Variants in VOPP1 observed in about 807,000 individuals in gnomAD.
VOPP1 encodes VOPP1 WW domain binding protein.
VOPP1 carries 8 observed loss-of-function variants against 23.5 expected under a neutral mutation model. That is an observed-to-expected ratio of 0.34 (90% CI 0.20 to 0.61). VOPP1 has a LOEUF of 0.61. VOPP1 is among the 20% of genes least tolerant of loss of function. VOPP1 has a pLI of 0.78. For missense variants in VOPP1, 174 were observed against 238.1 expected (o/e 0.73, Z 1.77); for synonymous variants, 83 against 97.3 (o/e 0.85, Z 0.86).
At chr7:55,448,600 G>A (rs919929679) in intron 4 of VOPP1, among the ~76,000 whole-genome samples, 2 of 148,256 alleles carry the variant, frequency 1.3e-5, no homozygotes, top group African/African-American at 2.4e-5. Flanking sequence ...CTCAGGCTCC[G>A]TCATCTTGCA....
intron 4 of VOPP1, among the ~76,000 whole-genome samples, chr7:55,439,509 A>G (rs1253164830): frequency 6.6e-6 from 1 of 152,202 alleles, no homozygotes; most frequent in Non-Finnish European, 1.5e-5. Flanking sequence ...TCAGAAAAAT[A>G]ACAGGATGTT....
chr7:55,489,640 G>A (rs541211990), intron 4 of VOPP1, among the ~76,000 whole-genome samples: 3 of 152,204 alleles, frequency 2.0e-5, no homozygotes, highest in African/African-American at 4.8e-5. Context: ...CTCAGCAGGT[G>A]TGCAGTAAAT....
At chr7:55,455,308 G>A (rs1367292977) in intron 4 of VOPP1, among the ~76,000 whole-genome samples, 1 of 151,844 alleles carries the variant, frequency 6.6e-6, no homozygotes, top group Non-Finnish European at 1.5e-5. Context: ...AAATAAGAGA[G>A]GACACAAATG....
intron 4 of VOPP1, among the ~76,000 whole-genome samples, chr7:55,477,799 A>G (rs752809446): frequency 1.3e-5 from 2 of 152,248 alleles, no homozygotes; most frequent in African/African-American, 4.8e-5. Context: ...TGTCAAGAAC[A>G]TGAACCCTTA....
At chr7:55,548,441 C>A (rs963742610) in intron 1 of VOPP1, among the ~76,000 whole-genome samples, 1 of 152,210 alleles carries the variant, frequency 6.6e-6, no homozygotes, top group Non-Finnish European at 1.5e-5. Flanking sequence ...CCCGGGGGAT[C>A]CCTGGCTTAC....
At chr7:55,550,042 G>A (rs1047597604) in intron 1 of VOPP1, among the ~76,000 whole-genome samples, 9 of 152,206 alleles carry the variant, frequency 5.9e-5, no homozygotes, top group Non-Finnish European at 1.0e-4. Context: ...ACCACAGGCC[G>A]GGCCAAGGGG....
intron 1 of VOPP1, among the ~76,000 whole-genome samples, chr7:55,530,291 G>T (rs1181943228): frequency 6.6e-6 from 1 of 152,036 alleles, no homozygotes; most frequent in East Asian, 1.9e-4. Context: ...ATCTAGTACT[G>T]TACTGGTATC....
chr7:55,502,592 A>G (rs1794444999), intron 2 of VOPP1, among the ~76,000 whole-genome samples: 1 of 152,278 alleles, frequency 6.6e-6, no homozygotes, highest in East Asian at 1.9e-4. Flanking sequence ...CTTCCTTTTG[A>G]AGCTGCTGGT....
intron 2 of VOPP1, among the ~76,000 whole-genome samples, chr7:55,508,837 C>T (rs1240520890): frequency 6.6e-6 from 1 of 151,964 alleles, no homozygotes; most frequent in African/African-American, 2.4e-5. Context: ...CCTATGAGCT[C>T]AGAAGTCTGC....
At chr7:55,508,229 G>C (rs928221268) in intron 2 of VOPP1, among the ~76,000 whole-genome samples, 5 of 152,286 alleles carry the variant, frequency 3.3e-5, no homozygotes, top group African/African-American at 1.2e-4. Flanking sequence ...GGACCAAGAA[G>C]CTCTTAAATT....
intron 1 of VOPP1, among the ~76,000 whole-genome samples, chr7:55,564,971 A>C (rs146434007): frequency 2.6e-5 from 4 of 152,306 alleles, no homozygotes; most frequent in Admixed American, 2.6e-4. Context: ...TGCTTGAAGC[A>C]AGCAATTGAT....
intron 2 of VOPP1, among the ~76,000 whole-genome samples, chr7:55,506,418 C>A (rs576039771): frequency 3.9e-5 from 6 of 152,240 alleles, no homozygotes; most frequent in Non-Finnish European, 8.8e-5. Flanking sequence ...TCACTGCAAC[C>A]TCCACCTCTT....
intron 4 of VOPP1, among the ~76,000 whole-genome samples, chr7:55,438,566 T>G (rs796249426): frequency 2.0e-5 from 3 of 152,024 alleles, no homozygotes; most frequent in Non-Finnish European, 4.4e-5. Flanking sequence ...GGCAGGTGAA[T>G]AAGTGTGGAC....
chr7:55,527,398 G>A (rs1796252210), intron 1 of VOPP1, among the ~76,000 whole-genome samples: 1 of 151,222 alleles, frequency 6.6e-6, no homozygotes, highest in Non-Finnish European at 1.5e-5. Flanking sequence ...AGATACCCCT[G>A]TCTTATAGAA....
chr7:55,516,008 G>T, intron 2 of VOPP1: 1 of 985,508 alleles, frequency 1.0e-6, no homozygotes, highest in Non-Finnish European at 1.2e-6. Flanking sequence ...TGGCAAAGGA[G>T]CTGAGGAAGC....
chr7:55,522,216 G>C (rs969945888), intron 1 of VOPP1, among the ~76,000 whole-genome samples: 4 of 152,228 alleles, frequency 2.6e-5, no homozygotes, highest in Non-Finnish European at 4.4e-5. Flanking sequence ...AATGGAGTTA[G>C]AGACAGGCCC....
intron 4 of VOPP1, among the ~76,000 whole-genome samples, chr7:55,461,243 G>A (rs558629407): frequency 6.6e-6 from 1 of 152,210 alleles, no homozygotes; most frequent in South Asian, 2.1e-4. Flanking sequence ...GGGAAAGGGT[G>A]GGAAGGGGGT....
In VOPP1 at chr7:55,437,610, T is replaced by A. The variant is rs1411072496; in HGVS notation, n.418-1436A>T. On this transcript the variant is annotated intron_variant and non_coding_transcript_variant, in intron 4 of 4. Coordinates refer to the VOPP1 transcript ENST00000462326. ...TTAATGGGCCCTTCCAATCTGTAAA[T>A]TCATGTCTTTCAATTCTAGGAAATT... 3.9e-5 allele frequency among the ~76,000 whole-genome samples: 6 copies of A among 152,200 alleles called. No individual in the cohort carries two copies. The East Asian group carries it at 9.6e-4, about 24-fold the overall frequency.
At chr7:55,532,262 C>T (rs1328518055) in intron 1 of VOPP1, among the ~76,000 whole-genome samples, 2 of 152,248 alleles carry the variant, frequency 1.3e-5, no homozygotes, top group Non-Finnish European at 2.9e-5. Context: ...CGCATGCCTG[C>T]TTCTGTGCCT....
Sources: gnomAD v4.1 joint callset for allele counts (sites outside exome capture counted in the v4.1 genomes callset) on GRCh38, gnomAD v4.1.1 for gene constraint, MANE v1.5 for transcripts, NCBI Gene and HGNC (gene_info 2026-07-23, HGNC 2026-07-21) for gene names.